ADARB2: variants seen among roughly 807,000 people sequenced by gnomAD.
The protein encoded by ADARB2 is adenosine deaminase RNA specific B2 (inactive), also known as inactive double-stranded RNA-specific editase B2.
ADARB2 carries 25 observed loss-of-function variants against 62.2 expected under a neutral mutation model. The ratio of observed to expected loss-of-function variants is 0.40; its 90% CI spans 0.29 to 0.56. ADARB2 has a LOEUF of 0.56. Among genes scored for constraint, ADARB2 ranks in the 20% least tolerant of loss-of-function variants. ADARB2 has a pLI of 0.43. For synonymous variants in ADARB2, 572 were observed against 500.8 expected (o/e 1.14, Z -1.90); for missense variants, 1,071 against 1,077.4 (o/e 0.99, Z 0.08).
At chr10:1,183,877 C>T (rs1482407240) in intron 9 of ADARB2, among the ~76,000 whole-genome samples, 3 of 152,162 alleles carry the variant, frequency 2.0e-5, no homozygotes, top group Non-Finnish European at 2.9e-5. Flanking sequence ...GAGGATGGGG[C>T]CATGGGGGAG....
Position 1,559,303 on chromosome 10 carries a change from C to T in ADARB2, c.100+177748G>A, listed in dbSNP as rs74121062. Among the ~76,000 whole-genome samples, 368 of 152,248 alleles carry T rather than the reference C, an allele frequency of 2.4e-3. 2 individuals are homozygous for T. Among genetic ancestry groups the T allele is most frequent in the African/African-American group, 8.3e-3 (346 of 41,546 alleles). On this transcript the variant is annotated intron_variant, in intron 1 of 9. Transcript: ENST00000381312. ...GGTTTTGGCTGATAAGGGCTGTGAT[C>T]ACTGGCTCTTGGAGCTGTCCCCGAC...
intron 1 of ADARB2, among the ~76,000 whole-genome samples, chr10:1,395,831 C>T (rs922221607): frequency 1.2e-4 from 18 of 152,326 alleles, no homozygotes; most frequent in African/African-American, 3.8e-4. Context: ...GCCTTCAGCG[C>T]CCCCGGCTTC....
chr10:1,635,389 C>T (rs1588332479), intron 1 of ADARB2, among the ~76,000 whole-genome samples: 2 of 152,190 alleles, frequency 1.3e-5, no homozygotes, highest in Non-Finnish European at 1.5e-5. Flanking sequence ...TAGAATACGT[C>T]TGCAAGATCT....
chr10:1,710,239 C>A (rs1305120279), intron 1 of ADARB2, among the ~76,000 whole-genome samples: 3 of 152,192 alleles, frequency 2.0e-5, no homozygotes, highest in Non-Finnish European at 4.4e-5. Flanking sequence ...AATTTCTAAC[C>A]TGGCTGTGGT....
In ADARB2 at chr10:1,220,210, GTGATGA is replaced by G. The variant is rs1190243607; in HGVS notation, c.1514-3097_1514-3092del. ...GGTGATGATGATGATGGTAATGGTGGTGATGATGGTGATGGTGATGATGGTGGTGAT... is the reference window on the plus strand; with the variant it reads ...GGTGATGATGATGATGGTAATGGTGGTGGTGATGGTGATGATGGTGGTGAT... On this transcript the variant is annotated intron_variant, in intron 6 of 9. Transcript: ENST00000381312. Among the ~76,000 whole-genome samples the G allele has an allele frequency of 7.5e-5, 11 of 147,422 alleles. No individual in the cohort carries two copies. In the South Asian group the frequency reaches 1.1e-3, roughly 15 times the overall value.
intron 3 of ADARB2, among the ~76,000 whole-genome samples, chr10:1,316,541 G>A (rs1831741678): frequency 6.6e-6 from 1 of 152,234 alleles, no homozygotes; most frequent in Non-Finnish European, 1.5e-5. Context: ...CATTCTGGGA[G>A]TCATTGGTTT....
rs374195845 is a variant in ADARB2 at position 1,610,234 on chromosome 10, G to A, written c.100+126817C>T. 2.2e-4 allele frequency among the ~76,000 whole-genome samples: 34 copies of A among 152,210 alleles called. No individual in the cohort carries two copies. In the East Asian group the frequency reaches 4.7e-3, roughly 21 times the overall value. ...CCCTGCAGCCCCAGGGCCCCTACAC[G>A]GGCAGTTCTGCTGCTCGCCTCCAGC... On this transcript the variant is annotated intron_variant, in intron 1 of 9. Coordinates refer to ENST00000381312, the MANE Select transcript of ADARB2 (RefSeq NM_018702.4).
chr10:1,449,317 C>T (rs558585326), intron 1 of ADARB2, among the ~76,000 whole-genome samples: 3 of 152,296 alleles, frequency 2.0e-5, no homozygotes, highest in East Asian at 3.9e-4. Flanking sequence ...AGCTGGACCC[C>T]GTGCCCCTTC....
At chr10:1,681,332 A>T (rs1223514830) in intron 1 of ADARB2, among the ~76,000 whole-genome samples, 2 of 152,164 alleles carry the variant, frequency 1.3e-5, no homozygotes, top group Non-Finnish European at 2.9e-5. Flanking sequence ...AAACCAGAAC[A>T]CATGTGGTAT....
intron 1 of ADARB2, among the ~76,000 whole-genome samples, chr10:1,717,671 G>A (rs77312938): frequency 0.011 from 1,668 of 151,564 alleles, 26 homozygotes; most frequent in African/African-American, 0.038. Flanking sequence ...TCCTCCTCCC[G>A]GGTTCAGGAG....
intron 1 of ADARB2, among the ~76,000 whole-genome samples, chr10:1,680,196 G>A (rs35613927): frequency 0.11 from 15,289 of 133,982 alleles, 1,061 homozygotes; most frequent in Non-Finnish European, 0.16. Context: ...TGTGTAATCC[G>A]CCACTCATAC....
rs1230318551 is a variant in ADARB2 at position 1,183,115 on chromosome 10, G to T, written c.*78C>A. The T allele has an allele frequency of 1.1e-5, 16 of 1,521,600 alleles. No individual in the cohort carries two copies. In the Admixed American group the frequency reaches 2.0e-4, roughly 19 times the overall value. The allele number at this position is 1,521,600 out of a possible 1,614,324, so 94.3% of individuals were successfully genotyped here. A position where few individuals can be genotyped will look rare whatever the true frequency, so the allele number is the denominator to read the frequency against. Reference sequence around the variant, plus strand: ...GTAAAACGAATGCAGGGAACCGGCCGACCCGCCACGTCGCCCCCCAGACAC... The same window carrying T: ...GTAAAACGAATGCAGGGAACCGGCCTACCCGCCACGTCGCCCCCCAGACAC... On this transcript the variant is annotated 3_prime_UTR_variant, in exon 10 of 10. Coordinates refer to ENST00000381312, the MANE Select transcript of ADARB2 (RefSeq NM_018702.4).
chr10:1,218,549 C>T (rs1830653775), intron 6 of ADARB2, among the ~76,000 whole-genome samples: 1 of 152,168 alleles, frequency 6.6e-6, no homozygotes, highest in African/African-American at 2.4e-5. Context: ...CCCTCACTTT[C>T]CCCCACTGAC....
chr10:1,310,102 T>C (rs145153730), intron 3 of ADARB2, among the ~76,000 whole-genome samples: 6 of 152,346 alleles, frequency 3.9e-5, no homozygotes, highest in East Asian at 3.9e-4. Context: ...GTCTCTATGA[T>C]TTCCTGCTGC....
chr10:1,318,886 G>A (rs536429918), intron 3 of ADARB2, among the ~76,000 whole-genome samples: 1 of 152,296 alleles, frequency 6.6e-6, no homozygotes, highest in East Asian at 1.9e-4. Flanking sequence ...CCTCCAGACA[G>A]GCATCTGTTC....
chr10:1,527,698 G>A (rs186000196), intron 1 of ADARB2, among the ~76,000 whole-genome samples: 2 of 152,256 alleles, frequency 1.3e-5, no homozygotes. Context: ...TTGGTAAGAC[G>A]GGGGTCAGAT....
chr10:1,706,930 G>GCAGGAAGTAGGGTTTCATTGGC (rs1834897447), intron 1 of ADARB2, among the ~76,000 whole-genome samples: 1 of 152,244 alleles, frequency 6.6e-6, no homozygotes. Context: ...GTTTCATTGG[G>GCAGGAAGTAGGGTTTCATTGGC]CAGGAAGTGG....
intron 1 of ADARB2, among the ~76,000 whole-genome samples, chr10:1,384,309 T>C (rs901047570): frequency 8.5e-5 from 13 of 152,216 alleles, no homozygotes; most frequent in African/African-American, 3.1e-4. Flanking sequence ...TTCAGTTCTG[T>C]CTTACCAAAT....
At chr10:1,414,892 T>C (rs1832788994) in intron 1 of ADARB2, among the ~76,000 whole-genome samples, 1 of 152,030 alleles carries the variant, frequency 6.6e-6, no homozygotes, top group Non-Finnish European at 1.5e-5. Context: ...GATGGTTAGA[T>C]AGATGGATAA....
Sources: allele counts gnomAD v4.1 joint callset (sites outside exome capture counted in the v4.1 genomes callset), GRCh38; gene constraint gnomAD v4.1.1; transcripts MANE v1.5; gene names NCBI Gene and HGNC (gene_info 2026-07-23, HGNC 2026-07-21).